PPARA: variants seen among roughly 807,000 people sequenced by gnomAD.
PPARA encodes the protein peroxisome proliferator activated receptor alpha, also known as peroxisome proliferator-activated receptor alpha.
A neutral mutation model predicts 42.2 loss-of-function variants in PPARA; 22 were observed. The ratio of observed to expected loss-of-function variants is 0.52; its 90% CI spans 0.37 to 0.74. The LOEUF (loss-of-function observed/expected upper bound fraction) is 0.74. Ranked by LOEUF, PPARA falls within the 30% of genes least tolerant of loss-of-function variation. The pLI, the probability that PPARA is intolerant of heterozygous loss-of-function variation, is 0.00. For synonymous variants in PPARA, 242 were observed against 239.3 expected (o/e 1.01, Z -0.10); for missense variants, 465 against 608.2 (o/e 0.76, Z 2.48).
rs1043620881 is a variant in PPARA, at chr22:46,230,169, C to T, written c.712-1623C>T. 2.0e-5 allele frequency among the ~76,000 whole-genome samples: 3 copies of T among 152,242 alleles called. No homozygotes were observed. The highest frequency in any genetic ancestry group is 4.1e-4 in the South Asian group (2 of 4,824). ...GGCAGATTACCTGAGGTCAGGAGTGCGACACCAGCCTGACCAACATGGTGT... is the reference window on the plus strand; with the variant it reads ...GGCAGATTACCTGAGGTCAGGAGTGTGACACCAGCCTGACCAACATGGTGT... On this transcript the variant is annotated intron_variant, in intron 7 of 8. Transcript: ENST00000407236. The surrounding 1 kb of genome is among the most constrained non-coding windows in gnomAD (Gnocchi z 5.0).
rs1227968872 is a variant in PPARA at position 46,239,071 on chromosome 22, C to T, written c.*3691C>T. 6.6e-6 allele frequency: 1 copy of T among 152,216 alleles called. No individual in the cohort carries two copies. The highest frequency in any genetic ancestry group is 1.9e-4 in the East Asian group (1 of 5,190). 9.4% of individuals were successfully genotyped at this position (152,216 alleles called of 1,614,324 possible). The stretch of plus-strand genomic sequence containing the variant: ...AGTGGGGCAGAAACCCAGAACTCAG[C>T]ATTCAAGGATGCCCAGGAGAGCTGT... On this transcript the variant is annotated 3_prime_UTR_variant, in exon 9 of 9. Transcript: ENST00000407236.
chr22:46,201,283 A>T (rs1362008715), intron 4 of PPARA, among the ~76,000 whole-genome samples: 1 of 152,150 alleles, frequency 6.6e-6, no homozygotes, highest in Non-Finnish European at 1.5e-5. Flanking sequence ...TTCTCAGCTT[A>T]GTCAATCAGG....
rs1315103625 is a variant in PPARA, at chr22:46,234,373, C to T, written c.1160-760C>T. ...TTAAGAATCATAGTAATGACTGGGT[C>T]TGTAAGGGAGCACCGCCTGCTGAAC... On this transcript the variant is annotated intron_variant, in intron 8 of 8. Transcript: ENST00000407236. This position sits in a 1 kb window ranked among gnomAD's most constrained non-coding sequence, Gnocchi z 5.8. 6.6e-6 allele frequency among the ~76,000 whole-genome samples: 1 copy of T among 152,200 alleles called. No homozygotes were observed. Among genetic ancestry groups the T allele is most frequent in the East Asian group, 1.9e-4 (1 of 5,202 alleles).
At chr22:46,181,301 G>T (rs1401908549) in intron 3 of PPARA, among the ~76,000 whole-genome samples, 1 of 152,166 alleles carries the variant, frequency 6.6e-6, no homozygotes, top group East Asian at 1.9e-4. Context: ...CACGGACTGT[G>T]TGCTCTGAGG....
intron 2 of PPARA, among the ~76,000 whole-genome samples, chr22:46,168,407 A>T (rs1927452342): frequency 6.6e-6 from 1 of 150,718 alleles, no homozygotes; most frequent in Non-Finnish European, 1.5e-5. Context: ...AAAAGAAAAA[A>T]TTAATAAATT....
rs1931041221 is a variant in PPARA, at chr22:46,187,943, G to C, written c.-42-10399G>C. ...GAGGTCTACCTTAAGAGGCTTTGCA[G>C]ATTCCACATTCAACCTCTTGGAATG... On this transcript the variant is annotated intron_variant, in intron 3 of 8. Transcript: ENST00000407236. The surrounding 1 kb of genome is among the most constrained non-coding windows in gnomAD (Gnocchi z 4.9). Among the ~76,000 whole-genome samples the C allele has an allele frequency of 2.6e-5, 4 of 152,218 alleles. No homozygotes were observed. Among genetic ancestry groups the C allele is most frequent in the Admixed American group, 2.0e-4 (3 of 15,282 alleles).
chr22:46,163,040 C>T lies in PPARA; in HGVS notation c.-127+11070C>T, dbSNP rs890755035. On this transcript the variant is annotated intron_variant, in intron 2 of 8. Coordinates refer to ENST00000407236, the MANE Select transcript of PPARA (RefSeq NM_005036.6). The surrounding 1 kb of genome is among the most constrained non-coding windows in gnomAD (Gnocchi z 4.9). ...ACTGCATCGCATAACTGGCAGACTC[C>T]CAGCTTCAAGGAGAGGCACGGAGGG... 6.6e-6 allele frequency among the ~76,000 whole-genome samples: 1 copy of T among 152,156 alleles called. No individual in the cohort carries two copies. The highest frequency in any genetic ancestry group is 2.4e-5 in the African/African-American group (1 of 41,438).
intron 4 of PPARA, among the ~76,000 whole-genome samples, chr22:46,213,698 T>C (rs1934163599): frequency 1.3e-5 from 2 of 151,674 alleles, no homozygotes; most frequent in Admixed American, 6.6e-5. Flanking sequence ...CACGCCATTC[T>C]CCTGCCTCAG....
rs1930181162 is a variant in PPARA at position 46,182,975 on chromosome 22, C to A, written c.-43+6139C>A. 6.6e-6 allele frequency among the ~76,000 whole-genome samples: 1 copy of A among 152,168 alleles called. No individual in the cohort carries two copies. The highest frequency in any genetic ancestry group is 6.5e-5 in the Admixed American group (1 of 15,276). On this transcript the variant is annotated intron_variant, in intron 3 of 8. Transcript: ENST00000407236. The surrounding 1 kb of genome is among the most constrained non-coding windows in gnomAD (Gnocchi z 5.2). ...TGCCAGGCTGGTCTTGAACTCCTGA[C>A]CTCAGGTGATCCACCCACCTCGGCC...
At chr22:46,207,277 ATTTTTTTT>A in intron 4 of PPARA, among the ~76,000 whole-genome samples, 1 of 119,588 alleles carries the variant, frequency 8.4e-6, no homozygotes, top group East Asian at 2.2e-4. Flanking sequence ...TACATTGGCA[ATTTTTTTT>A]TTTTTTTTTT....
At chr22:46,185,093 C>T (rs750479456) in intron 3 of PPARA, among the ~76,000 whole-genome samples, 1 of 152,090 alleles carries the variant, frequency 6.6e-6, no homozygotes, top group Non-Finnish European at 1.5e-5. Context: ...GTTTCCTGTG[C>T]TCCATGTTCT....
chr22:46,232,669 T>C lies in PPARA; in HGVS notation c.1159+430T>C, dbSNP rs1324190019. Among the ~76,000 whole-genome samples, 2 of 151,344 alleles carry C rather than the reference T, an allele frequency of 1.3e-5. No homozygotes were observed. The highest frequency in any genetic ancestry group is 2.9e-5 in the Non-Finnish European group (2 of 67,868). On this transcript the variant is annotated intron_variant, in intron 8 of 8. Transcript: ENST00000407236. This position sits in a 1 kb window ranked among gnomAD's most constrained non-coding sequence, Gnocchi z 5.3. ...CCTATTTCTTTAAAAAAAAATTATATATTTTGCACAAATATATATATAGAG... is the reference window on the plus strand; with the variant it reads ...CCTATTTCTTTAAAAAAAAATTATACATTTTGCACAAATATATATATAGAG...
rs572334518 is a variant in PPARA at position 46,192,837 on chromosome 22, G to A, written c.-42-5505G>A. 6.6e-6 allele frequency among the ~76,000 whole-genome samples: 1 copy of A among 152,260 alleles called. No individual in the cohort carries two copies. Among genetic ancestry groups the A allele is most frequent in the African/African-American group, 2.4e-5 (1 of 41,548 alleles). On this transcript the variant is annotated intron_variant, in intron 3 of 8. Coordinates refer to ENST00000407236, the MANE Select transcript of PPARA (RefSeq NM_005036.6). This position sits in a 1 kb window ranked among gnomAD's most constrained non-coding sequence, Gnocchi z 4.3. ...CCTGTCATTTACAACAACATGGGTG[G>A]AACTGGAGATCATTATGTTAAGTGA...
chr22:46,166,022 T>C (rs925645928), intron 2 of PPARA, among the ~76,000 whole-genome samples: 5 of 152,108 alleles, frequency 3.3e-5, no homozygotes, highest in African/African-American at 1.2e-4. Context: ...ATATTAATTA[T>C]CACTGCTTAG....
At position 46,235,402 on chromosome 22, in the gene PPARA, CT is replaced by C; in HGVS notation, c.*26del. On this transcript the variant is annotated 3_prime_UTR_variant, in exon 9 of 9. Transcript: ENST00000407236. The surrounding 1 kb of genome is among the most constrained non-coding windows in gnomAD (Gnocchi z 7.0). ...CTGAGTTCCTTCAGATCAGCCACACCTTTTCCAGGAGTTCTGAAGCTGACAG... is the reference window on the plus strand; with the variant it reads ...CTGAGTTCCTTCAGATCAGCCACACCTTTCCAGGAGTTCTGAAGCTGACAG... 1 of 1,611,682 alleles carries C rather than the reference CT, an allele frequency of 6.2e-7. No individual in the cohort carries two copies. The highest frequency in any genetic ancestry group is 8.5e-7 in the Non-Finnish European group (1 of 1,179,364).
In PPARA at chr22:46,219,882, T is replaced by C; in HGVS notation, c.579T>C (p.His193=). ...AAGCAGAAATTCTTACCTGTGAACA[T>C]GACATAGAAGATTCTGAAACTGCAG... ...KLKAEILTCE[H]DIEDSETADL... Residue 193 remains histidine, a synonymous_variant, in exon 7 of 9, where the codon CAT becomes CAC. Transcript: ENST00000407236. The surrounding 1 kb of genome is among the most constrained non-coding windows in gnomAD (Gnocchi z 4.8). 1 of 1,614,150 alleles carries C rather than the reference T, an allele frequency of 6.2e-7. No homozygotes were observed. The highest frequency in any genetic ancestry group is 8.5e-7 in the Non-Finnish European group (1 of 1,180,022).
In PPARA at chr22:46,232,007, A is replaced by C; in HGVS notation, c.927A>C (p.Leu309=). The change falls in exon 8 of 9, where the codon CTA becomes CTC. Residue 309 remains leucine, a synonymous_variant. Coordinates refer to ENST00000407236, the MANE Select transcript of PPARA (RefSeq NM_005036.6). This position sits in a 1 kb window ranked among gnomAD's most constrained non-coding sequence, Gnocchi z 5.3. ...ACCTGAACGATCAAGTGACATTGCT[A>C]AAATACGGAGTTTATGAGGCCATAT... is the stretch of plus-strand genomic sequence containing the variant. ...NLDLNDQVTL[L]KYGVYEAIFA... is the part of the protein sequence containing the mutation. 6.2e-7 allele frequency: 1 copy of C among 1,614,226 alleles called. No individual in the cohort carries two copies. Among genetic ancestry groups the C allele is most frequent in the South Asian group, 1.1e-5 (1 of 91,088 alleles).
chr22:46,190,030 T>A lies in PPARA; in HGVS notation c.-42-8312T>A, dbSNP rs4253791. ...GTGTTCATCTATTTCTGTGAACCGA[T>A]GCTAGGTGAAGGTACAGAGGGCTTT... is the stretch of plus-strand genomic sequence containing the variant. On this transcript the variant is annotated intron_variant, in intron 3 of 8. Coordinates refer to ENST00000407236, the MANE Select transcript of PPARA (RefSeq NM_005036.6). This position sits in a 1 kb window ranked among gnomAD's most constrained non-coding sequence, Gnocchi z 5.6. 8.7e-3 allele frequency among the ~76,000 whole-genome samples: 1,319 copies of A among 152,348 alleles called. 9 individuals are homozygous for A. Among genetic ancestry groups the A allele is most frequent in the South Asian group, 0.019 (94 of 4,828 alleles).
intron 7 of PPARA, among the ~76,000 whole-genome samples, chr22:46,223,448 G>T (rs1469786873): frequency 1.3e-5 from 2 of 152,000 alleles, no homozygotes; most frequent in African/African-American, 4.8e-5. Flanking sequence ...TTGGAGACCA[G>T]CCTGACCAAT....
Sources: allele counts gnomAD v4.1 joint callset (sites outside exome capture counted in the v4.1 genomes callset), GRCh38; gene constraint gnomAD v4.1.1; non-coding constraint Gnocchi (gnomAD v3.1); transcripts MANE v1.5; gene names NCBI Gene and HGNC (gene_info 2026-07-23, HGNC 2026-07-21).